The following ART4 variants were observed in gnomAD, a reference collection of about 807,000 sequenced individuals.
The protein encoded by ART4 is ecto-ADP-ribosyltransferase 4.
In ART4, 14 loss-of-function variants were observed where a neutral mutation model predicts 24.2. The ratio of observed to expected loss-of-function variants is 0.58; its 90% confidence interval spans 0.38 to 0.90. The LOEUF (loss-of-function observed/expected upper bound fraction) is 0.90. Ranked by LOEUF, ART4 falls within the 40% of genes least tolerant of loss-of-function variation. The pLI, the probability that ART4 is intolerant of heterozygous loss-of-function variation, is 0.00. For missense variants in ART4, 356 were observed against 366.6 expected (o/e 0.97, Z 0.24); for synonymous variants, 145 against 139.9 (o/e 1.04, Z -0.26).
At position 14,840,645 on chromosome 12, in the gene ART4, T is replaced by G; in HGVS notation, c.653A>C (p.Gln218Pro). 6.2e-7 allele frequency: 1 copy of G among 1,614,184 alleles called. No individual in the cohort carries two copies. Among genetic ancestry groups the G allele is most frequent in the Non-Finnish European group, 8.5e-7 (1 of 1,180,018 alleles). ...AAATAGTGTCTGGTTCCCAAACTCC[T>G]GTGCCTCTTCTTTCAGGAGGGATGT... Reference protein sequence around the residue: ...LSTSLLKEEAQEFGNQTLFTI... With the variant: ...LSTSLLKEEAPEFGNQTLFTI... The change falls in exon 2 of 3, where the codon CAG becomes CCG. Residue 218 changes from glutamine (Q) to proline (P), a missense_variant. By Grantham distance (76) the Gln-to-Pro change is moderately conservative. Coordinates refer to ENST00000228936, the MANE Select transcript of ART4 (RefSeq NM_021071.4).
chr12:14,840,816 TAGTGTAAATATTTGA>T lies in ART4; in HGVS notation c.467_481del (p.Phe156_His160del), dbSNP rs1863033220. The T allele has an allele frequency of 6.2e-7, 1 of 1,614,058 alleles. No homozygotes were observed. Among genetic ancestry groups the T allele is most frequent in the Non-Finnish European group, 8.5e-7 (1 of 1,180,026 alleles). On this transcript the variant is annotated inframe_deletion, in exon 2 of 3. Transcript: ENST00000228936. ...CAGCTGGATTGCTGAGGTGAGGTAG[TAGTGTAAATATTTGA>T]AGTGGAATGAACGTTCATACTGCTG... is the stretch of plus-strand genomic sequence containing the variant.
chr12:14,839,892 C>A (rs1382997655), intron 2 of ART4, among the ~76,000 whole-genome samples: 1 of 152,228 alleles, frequency 6.6e-6, no homozygotes, highest in East Asian at 1.9e-4. Flanking sequence ...TGAGCAGCCA[C>A]AGCTGTTTGC....
chr12:14,841,089 C>T lies in ART4; in HGVS notation c.209G>A (p.Ser70Asn), dbSNP rs1297248917. The T allele has an allele frequency of 1.2e-6, 2 of 1,614,128 alleles. No individual in the cohort carries two copies. Among genetic ancestry groups the T allele is most frequent in the Non-Finnish European group, 1.7e-6 (2 of 1,180,010 alleles). ...GSFDDQYQGC[S>N]KQVMEKLTQG... ...AGTTAGTTTCTCCATAACCTGTTTG[C>T]TACAGCCTTGGTACTGATCATCAAA... Residue 70 changes from serine to asparagine, a missense_variant, in exon 2 of 3, where the codon AGC becomes AAC. By Grantham distance (46) the Ser-to-Asn change is conservative (BLOSUM62 1). Coordinates refer to ENST00000228936, the MANE Select transcript of ART4 (RefSeq NM_021071.4).
intron 1 of ART4, among the ~76,000 whole-genome samples, chr12:14,842,538 A>G (rs986839253): frequency 2.0e-5 from 3 of 152,230 alleles, no homozygotes; most frequent in Non-Finnish European, 4.4e-5. Context: ...AAACTTTGTT[A>G]ATATGTTACT....
At position 14,825,732 on chromosome 12, in the gene ART4, C is replaced by A. The variant is rs887709460; in HGVS notation, c.*3639G>T. The A allele has an allele frequency of 2.6e-5, 4 of 152,078 alleles. No individual in the cohort carries two copies. The highest frequency in any genetic ancestry group is 9.7e-5 in the African/African-American group (4 of 41,408). 9.4% of individuals were successfully genotyped at this position (152,078 alleles called of 1,614,324 possible). On this transcript the variant is annotated 3_prime_UTR_variant, in exon 3 of 3. Coordinates refer to ENST00000228936, the MANE Select transcript of ART4 (RefSeq NM_021071.4). The stretch of plus-strand genomic sequence containing the variant: ...ACAACTCAGTACAAGAATCCTGATT[C>A]TTCTAGCAAAACAAACTTTACTGAA...
chr12:14,829,264 A>G lies in ART4; in HGVS notation c.*107T>C. 1.3e-6 allele frequency: 1 copy of G among 762,366 alleles called. No homozygotes were observed. Among genetic ancestry groups the G allele is most frequent in the Non-Finnish European group, 2.0e-6 (1 of 499,700 alleles). The allele number at this position is 762,366 out of a possible 1,614,324, so 47.2% of individuals were successfully genotyped here. A position where few individuals can be genotyped will look rare whatever the true frequency, so the allele number is the denominator to read the frequency against. On this transcript the variant is annotated 3_prime_UTR_variant, in exon 3 of 3. Coordinates refer to ENST00000228936, the MANE Select transcript of ART4 (RefSeq NM_021071.4). Reference sequence around the variant, plus strand: ...ATGCACTGGTTTCAGCAGAAGTATGATGGGATCATCCTTCCTGGAAAATAA... The same window carrying G: ...ATGCACTGGTTTCAGCAGAAGTATGGTGGGATCATCCTTCCTGGAAAATAA...
intron 2 of ART4, among the ~76,000 whole-genome samples, chr12:14,834,406 T>G (rs1475289820): frequency 6.6e-6 from 1 of 152,230 alleles, no homozygotes; most frequent in Non-Finnish European, 1.5e-5. Flanking sequence ...TTAAAAGTTT[T>G]GAGTACTTAA....
In ART4 at chr12:14,827,372, T is replaced by G. The variant is rs1402012064; in HGVS notation, c.*1999A>C. 1 of 152,336 alleles carries G rather than the reference T, an allele frequency of 6.6e-6. No homozygotes were observed. Among genetic ancestry groups the G allele is most frequent in the African/African-American group, 2.4e-5 (1 of 41,468 alleles). 9.4% of individuals were successfully genotyped at this position (152,336 alleles called of 1,614,324 possible). The stretch of plus-strand genomic sequence containing the variant: ...TGCCAAAGACCCTATCCTATGCAAG[T>G]CACATAAATTGTCTGTTTGTAGAAA... On this transcript the variant is annotated 3_prime_UTR_variant, in exon 3 of 3. Coordinates refer to ENST00000228936, the MANE Select transcript of ART4 (RefSeq NM_021071.4).
chr12:14,841,356 A>G, intron 1 of ART4: 2 of 491,686 alleles, frequency 4.1e-6, no homozygotes, highest in Non-Finnish European at 7.0e-6. Context: ...TGATAAATAA[A>G]TTACTGAAAG....
intron 2 of ART4, among the ~76,000 whole-genome samples, chr12:14,837,797 G>A (rs921368794): frequency 1.3e-5 from 2 of 152,282 alleles, no homozygotes; most frequent in African/African-American, 4.8e-5. Context: ...TTACGGGTGT[G>A]AGCCACCGCA....
chr12:14,840,976 C>A lies in ART4; in HGVS notation c.322G>T (p.Gly108Ter), dbSNP rs1283243613. 6.2e-7 allele frequency: 1 copy of A among 1,614,122 alleles called. No individual in the cohort carries two copies. The highest frequency in any genetic ancestry group is 2.2e-5 in the East Asian group (1 of 44,876). Residue 108 changes from glycine (G) to a stop codon, truncating the protein, a stop_gained, in exon 2 of 3, where the codon GGA (glycine) becomes TGA (stop). Transcript: ENST00000228936. LOFTEE classifies it high-confidence loss of function. ...QKAHLAWLNQ[G>*]KVLPQNMTTT... Reference sequence around the variant, plus strand: ...GTCATGTTCTGGGGTAGAACTTTTCCTTGGTTAAGCCAGGCTAAGTGGGCT... The same window carrying A: ...GTCATGTTCTGGGGTAGAACTTTTCATTGGTTAAGCCAGGCTAAGTGGGCT...
intron 2 of ART4, among the ~76,000 whole-genome samples, chr12:14,836,505 T>C (rs1019885023): frequency 6.6e-6 from 1 of 152,236 alleles, no homozygotes; most frequent in Non-Finnish European, 1.5e-5. Context: ...ACTTAGGAAT[T>C]CTTTATCTCT....
rs1330633717 is a variant in ART4, at chr12:14,826,808, A to T, written c.*2563T>A. 1 of 152,188 alleles carries T rather than the reference A, an allele frequency of 6.6e-6. No homozygotes were observed. The highest frequency in any genetic ancestry group is 1.5e-5 in the Non-Finnish European group (1 of 68,042). 9.4% of individuals were successfully genotyped at this position (152,188 alleles called of 1,614,324 possible). ...CTGATAGAAAGCTTTATCTAACCATAGGCCAGAGGAATCACATTTTTCTCT... is the reference window on the plus strand; with the variant it reads ...CTGATAGAAAGCTTTATCTAACCATTGGCCAGAGGAATCACATTTTTCTCT... On this transcript the variant is annotated 3_prime_UTR_variant, in exon 3 of 3. Transcript: ENST00000228936.
intron 2 of ART4, 80 bp downstream of exon 2, chr12:14,840,365 A>C: frequency 8.0e-7 from 1 of 1,252,992 alleles, no homozygotes; most frequent in South Asian, 1.6e-5. Flanking sequence ...CTTTCCCCAA[A>C]AACCCACTGA....
chr12:14,829,182 TG>T lies in ART4; in HGVS notation c.*188del, dbSNP rs1369225958. The T allele has an allele frequency of 7.1e-6, 3 of 420,798 alleles. No individual in the cohort carries two copies. In the Admixed American group the frequency reaches 1.3e-4, roughly 18 times the overall value. The allele number at this position is 420,798 out of a possible 1,614,324, so 26.1% of individuals were successfully genotyped here. A position where few individuals can be genotyped will look rare whatever the true frequency, so the allele number is the denominator to read the frequency against. On this transcript the variant is annotated 3_prime_UTR_variant, in exon 3 of 3. Coordinates refer to ENST00000228936, the MANE Select transcript of ART4 (RefSeq NM_021071.4). The stretch of plus-strand genomic sequence containing the variant: ...CCAAGAGTACTTAGGGTGCCCAGAT[TG>T]AAATAAGGCAAAGGGGTACAAGGAA...
At position 14,829,155 on chromosome 12, in the gene ART4, C is replaced by T; in HGVS notation, c.*216G>A. On this transcript the variant is annotated 3_prime_UTR_variant, in exon 3 of 3. Coordinates refer to ENST00000228936, the MANE Select transcript of ART4 (RefSeq NM_021071.4). ...AGTTGCTAGCTGGGCAGAGTGATTT[C>T]CCCAAGAGTACTTAGGGTGCCCAGA... is the stretch of plus-strand genomic sequence containing the variant. 3 of 357,532 alleles carry T rather than the reference C, an allele frequency of 8.4e-6. No homozygotes were observed. Among genetic ancestry groups the T allele is most frequent in the Non-Finnish European group, 1.5e-5 (3 of 203,536 alleles). The allele number at this position is 357,532 out of a possible 1,614,324, so 22.1% of individuals were successfully genotyped here. A position where few individuals can be genotyped will look rare whatever the true frequency, so the allele number is the denominator to read the frequency against.
At chr12:14,830,800 G>A (rs986056800) in intron 2 of ART4, among the ~76,000 whole-genome samples, 25 of 149,460 alleles carry the variant, frequency 1.7e-4, no homozygotes, top group African/African-American at 6.2e-4. Flanking sequence ...ACCAATAAGA[G>A]TTGGCAAGGA....
At chr12:14,840,319 C>A in intron 2 of ART4, 126 bp downstream of exon 2, 1 of 743,062 alleles carries the variant, frequency 1.3e-6, no homozygotes, top group African/African-American at 1.8e-5. Context: ...TCTATCAGTT[C>A]CATCATTACC....
rs1406292900 is a variant in ART4, at chr12:14,841,017, A to C, written c.281T>G (p.Phe94Cys). ...TKDIEAQKNY[F>C]RMWQKAHLAW... ...TAAGTGGGCTTTTTGCCACATCCTA[A>C]AATAATTCTTCTGGGCTTCTATGTC... Residue 94 changes from phenylalanine (F) to cysteine (C), a missense_variant, in exon 2 of 3, where the codon TTT becomes TGT. By Grantham distance (205) the Phe-to-Cys change is radical (BLOSUM62 -2). Transcript: ENST00000228936. 7 of 1,614,060 alleles carry C rather than the reference A, an allele frequency of 4.3e-6. No individual in the cohort carries two copies. Among genetic ancestry groups the C allele is most frequent in the Non-Finnish European group, 5.9e-6 (7 of 1,180,038 alleles).
Sources: gnomAD v4.1 joint callset for allele counts (sites outside exome capture counted in the v4.1 genomes callset) on GRCh38, gnomAD v4.1.1 for gene constraint, MANE v1.5 for transcripts, NCBI Gene and HGNC (gene_info 2026-07-23, HGNC 2026-07-21) for gene names.